The following NBDY variants were observed in gnomAD, a reference collection of about 807,000 sequenced individuals.
The protein encoded by NBDY is negative regulator of P-body association.
chrX:56,806,662 G>T lies in NBDY; in HGVS notation c.*167-10658G>T, dbSNP rs761735714. Among the ~76,000 whole-genome samples, 3 of 111,654 alleles carry T rather than the reference G, an allele frequency of 2.7e-5. No homozygotes were observed. In the East Asian group the frequency reaches 8.4e-4, roughly 31 times the overall value. On this transcript the variant is annotated intron_variant, in intron 2 of 2. Coordinates refer to ENST00000374922, the MANE Select transcript of NBDY (RefSeq NM_001348129.2). ...TATCTTTCGCCCACTTTTTGATGGG[G>T]TTGTTTTTTTCTTGTAAATTGGTTT... is the stretch of plus-strand genomic sequence containing the variant.
At chrX:56,808,211 CTCTT>C (rs1007169404) in intron 2 of NBDY, among the ~76,000 whole-genome samples, 1 of 110,655 alleles carries the variant, frequency 9.0e-6, no homozygotes, top group Admixed American at 9.6e-5. Context: ...GCCTAAAATC[CTCTT>C]TCTTTGTTGT....
At chrX:56,730,845 T>C (rs1462076057) in intron 1 of NBDY, among the ~76,000 whole-genome samples, 1 of 111,953 alleles carries the variant, frequency 8.9e-6, no homozygotes, top group Admixed American at 9.5e-5. Flanking sequence ...ATGAACTTTA[T>C]AGAATGCAAA....
intron 2 of NBDY, among the ~76,000 whole-genome samples, chrX:56,766,414 A>C (rs952151694): frequency 6.3e-5 from 7 of 111,587 alleles, no homozygotes; most frequent in Non-Finnish European, 1.3e-4. Context: ...ATAAAATCAC[A>C]AACACACACA....
At chrX:56,744,507 C>G (rs1228197969) in intron 2 of NBDY, among the ~76,000 whole-genome samples, 1 of 110,822 alleles carries the variant, frequency 9.0e-6, no homozygotes, top group East Asian at 2.8e-4. Flanking sequence ...TTTCTTTTAT[C>G]TTTTACAAAA....
intron 2 of NBDY, among the ~76,000 whole-genome samples, chrX:56,812,273 G>A (rs1313197857): frequency 1.8e-5 from 2 of 108,181 alleles, no homozygotes; most frequent in Non-Finnish European, 3.8e-5. Flanking sequence ...GGGGAGGGTC[G>A]GGTGGGCACA....
At chrX:56,730,513 C>CAAAAAA (rs1157131797) in intron 1 of NBDY, among the ~76,000 whole-genome samples, 2,894 of 11,199 alleles carry the variant, frequency 0.26, 1,085 homozygotes, top group Middle Eastern at 0.44. Flanking sequence ...AACTACGTCT[C>CAAAAAA]AAAAAAAAAA....
chrX:56,815,991 G>A (rs555122874), intron 2 of NBDY, among the ~76,000 whole-genome samples: 6 of 110,536 alleles, frequency 5.4e-5, no homozygotes, highest in South Asian at 3.8e-4. Flanking sequence ...TAATGCCTTC[G>A]TATTATATTT....
intron 2 of NBDY, among the ~76,000 whole-genome samples, chrX:56,797,418 G>A (rs2069799011): frequency 9.3e-6 from 1 of 107,920 alleles, no homozygotes; most frequent in Non-Finnish European, 1.9e-5. Context: ...CCTTGGTGAT[G>A]GGGAATGTCC....
chrX:56,730,077 A>C (rs764255110), intron 1 of NBDY, among the ~76,000 whole-genome samples: 17 of 110,326 alleles, frequency 1.5e-4, no homozygotes, highest in Non-Finnish European at 2.8e-4. Flanking sequence ...TTCTCTGTGT[A>C]AGGCAGGAGA....
intron 2 of NBDY, among the ~76,000 whole-genome samples, chrX:56,749,550 A>G (rs1052376655): frequency 1.8e-5 from 2 of 111,450 alleles, no homozygotes; most frequent in Non-Finnish European, 3.8e-5. Context: ...AACAACACAC[A>G]TGCATCAGTC....
At chrX:56,793,546 T>C (rs2069775087) in intron 2 of NBDY, among the ~76,000 whole-genome samples, 1 of 110,256 alleles carries the variant, frequency 9.1e-6, no homozygotes, top group South Asian at 4.0e-4. Context: ...GGCCTCAGCT[T>C]GGAGGGGCAG....
intron 2 of NBDY, among the ~76,000 whole-genome samples, chrX:56,805,007 G>A (rs1223995143): frequency 1.8e-5 from 2 of 112,187 alleles, no homozygotes; most frequent in African/African-American, 6.5e-5. Flanking sequence ...AGCTTTAGAG[G>A]AGAGAAAATT....
chrX:56,801,156 T>C (rs893665213), intron 2 of NBDY, among the ~76,000 whole-genome samples: 1 of 111,650 alleles, frequency 9.0e-6, no homozygotes, highest in African/African-American at 3.3e-5. Context: ...TTCTTGGTGT[T>C]GTGTCCTTTC....
At chrX:56,808,228 C>T (rs2069864594) in intron 2 of NBDY, among the ~76,000 whole-genome samples, 1 of 111,692 alleles carries the variant, frequency 9.0e-6, no homozygotes, top group Non-Finnish European at 1.9e-5. Context: ...TTTGTTGTGT[C>T]TCTGTCAGGC....
At chrX:56,736,369 A>G (rs1281140013) in intron 2 of NBDY, among the ~76,000 whole-genome samples, 3 of 111,765 alleles carry the variant, frequency 2.7e-5, no homozygotes, top group East Asian at 5.6e-4. Flanking sequence ...GGGTCAAGCA[A>G]TTCTCCTGCC....
intron 2 of NBDY, among the ~76,000 whole-genome samples, chrX:56,808,078 G>A (rs990155139): frequency 8.9e-6 from 1 of 112,174 alleles, no homozygotes; most frequent in Non-Finnish European, 1.9e-5. Flanking sequence ...TAAGTGTGTG[G>A]TTTTTTGTCA....
chrX:56,734,587 CAG>C (rs1457055635), intron 2 of NBDY, among the ~76,000 whole-genome samples: 1 of 111,844 alleles, frequency 8.9e-6, no homozygotes, highest in Non-Finnish European at 1.9e-5. Context: ...AAACACAAAA[CAG>C]GGAGATAACC....
intron 2 of NBDY, among the ~76,000 whole-genome samples, chrX:56,789,305 G>C (rs1347079610): frequency 8.9e-6 from 1 of 111,802 alleles, no homozygotes; most frequent in African/African-American, 3.3e-5. Context: ...GTGAACCAGA[G>C]GAGTCTGTTC....
At chrX:56,735,623 C>A (rs764170779) in intron 2 of NBDY, among the ~76,000 whole-genome samples, 1 of 112,069 alleles carries the variant, frequency 8.9e-6, no homozygotes, top group East Asian at 2.8e-4. Context: ...CTTTGAGATG[C>A]CTCAGTTCTA....
Sources: gnomAD v4.1 joint callset for allele counts (sites outside exome capture counted in the v4.1 genomes callset) on GRCh38, gnomAD v4.1.1 for gene constraint, MANE v1.5 for transcripts, NCBI Gene and HGNC (gene_info 2026-07-23, HGNC 2026-07-21) for gene names.